The following ADGRL3 variants were observed in gnomAD, a reference collection of about 807,000 sequenced individuals.
ADGRL3 encodes adhesion G protein-coupled receptor L3, also known as calcium-independent alpha-latrotoxin receptor 3.
Under a neutral mutation model 153.5 loss-of-function variants are expected in ADGRL3, and 62 were observed. The ratio of observed to expected loss-of-function variants is 0.40; its 90% confidence interval spans 0.33 to 0.50. The LOEUF (loss-of-function observed/expected upper bound fraction) is 0.50, where lower values mean the gene tolerates loss of function less well. ADGRL3 is among the 20% of genes least tolerant of loss of function. ADGRL3 has a pLI of 0.47. For missense variants in ADGRL3, 1,641 were observed against 1,859.4 expected, an observed-to-expected ratio of 0.88 and a Z score of 2.16; for synonymous variants, 710 against 672.5, an observed-to-expected ratio of 1.06 and a Z score of -0.86.
At chr4:61,842,781 G>A (rs1478436218) in intron 9 of ADGRL3, among the ~76,000 whole-genome samples, 1 of 152,192 alleles carries the variant, frequency 6.6e-6, no homozygotes, top group African/African-American at 2.4e-5. Context: ...ATCATTTGCT[G>A]TTTTTGGTGG....
At chr4:61,965,938 A>C (rs1447568625) in intron 17 of ADGRL3, among the ~76,000 whole-genome samples, 1 of 152,180 alleles carries the variant, frequency 6.6e-6, no homozygotes, top group African/African-American at 2.4e-5. Flanking sequence ...TGGAACTTTT[A>C]AGATGTTAAT....
At chr4:61,876,705 GAAAT>G (rs2098477338) in intron 9 of ADGRL3, among the ~76,000 whole-genome samples, 1 of 150,736 alleles carries the variant, frequency 6.6e-6, no homozygotes, top group Admixed American at 6.6e-5. Context: ...GTTTGAGAAA[GAAAT>G]AACCCTAAAA....
At chr4:61,391,581 A>G (rs2096802634) in intron 2 of ADGRL3, among the ~76,000 whole-genome samples, 1 of 152,142 alleles carries the variant, frequency 6.6e-6, no homozygotes, top group African/African-American at 2.4e-5. Flanking sequence ...ACTCTAGGTT[A>G]AATACCCAAG....
Position 62,076,825 on chromosome 4 carries a change from G to A in ADGRL3, c.*5917G>A, listed in dbSNP as rs905275832. 9 of 151,686 alleles carry A rather than the reference G, an allele frequency of 5.9e-5. No individual in the cohort carries two copies. Among genetic ancestry groups the A allele is most frequent in the Non-Finnish European group, 1.2e-4 (8 of 67,794 alleles). The allele number at this position is 151,686 out of a possible 1,614,324, so 9.4% of individuals were successfully genotyped here. A position where few individuals can be genotyped will look rare whatever the true frequency, so the allele number is the denominator to read the frequency against. Reference sequence around the variant, plus strand: ...GCTGGCTCTATTGAACACCAACAGAGTTAATGCTTTTAGTAGCTTTGTACC... The same window carrying A: ...GCTGGCTCTATTGAACACCAACAGAATTAATGCTTTTAGTAGCTTTGTACC... On this transcript the variant is annotated 3_prime_UTR_variant, in exon 27 of 27. Coordinates refer to ENST00000683033, the MANE Select transcript of ADGRL3 (RefSeq NM_001387552.1).
At chr4:61,476,503 C>T (rs1015622541) in intron 2 of ADGRL3, among the ~76,000 whole-genome samples, 1 of 151,780 alleles carries the variant, frequency 6.6e-6, no homozygotes, top group Non-Finnish European at 1.5e-5. Context: ...GTTGGGAGTT[C>T]GAGACCAGCC....
intron 5 of ADGRL3, among the ~76,000 whole-genome samples, chr4:61,647,572 T>C (rs1294935763): frequency 6.6e-6 from 1 of 152,094 alleles, no homozygotes; most frequent in Non-Finnish European, 1.5e-5. Context: ...AGGCGTGCCA[T>C]TCAGATTTTT....
Position 61,540,734 on chromosome 4 carries a change from G to A in ADGRL3, c.259+23216G>A, listed in dbSNP as rs1054246682. ...ACACAATTTTCAGGTTAAGTTCATT[G>A]TGCTTGAAGTTTAATGTAAATTTAA... On this transcript the variant is annotated intron_variant, in intron 4 of 26. Coordinates refer to ENST00000683033, the MANE Select transcript of ADGRL3 (RefSeq NM_001387552.1). 2.6e-5 allele frequency among the ~76,000 whole-genome samples: 4 copies of A among 152,278 alleles called. No homozygotes were observed. The East Asian group carries it at 7.7e-4, about 29-fold the overall frequency.
chr4:61,845,463 A>C (rs1581112644), intron 9 of ADGRL3, among the ~76,000 whole-genome samples: 2 of 150,336 alleles, frequency 1.3e-5, no homozygotes, highest in African/African-American at 4.9e-5. Context: ...CCATCCTTAC[A>C]CCTCAGCCTC....
intron 2 of ADGRL3, among the ~76,000 whole-genome samples, chr4:61,465,449 A>G (rs1253774849): frequency 6.6e-6 from 1 of 152,082 alleles, no homozygotes; most frequent in East Asian, 1.9e-4. Flanking sequence ...ACACAGAATT[A>G]TGTCTAAATA....
intron 8 of ADGRL3, among the ~76,000 whole-genome samples, chr4:61,781,830 C>T (rs2097217363): frequency 6.6e-6 from 1 of 152,146 alleles, no homozygotes; most frequent in African/African-American, 2.4e-5. Flanking sequence ...TAATAGCCAT[C>T]ATGATTACCT....
At chr4:61,808,789 G>A (rs1324780931) in intron 8 of ADGRL3, among the ~76,000 whole-genome samples, 1 of 141,922 alleles carries the variant, frequency 7.0e-6, no homozygotes, top group East Asian at 2.1e-4. Context: ...ACAAGAAATC[G>A]GGCTTTTTTT....
chr4:61,890,207 T>C (rs2098565280), intron 9 of ADGRL3, among the ~76,000 whole-genome samples: 1 of 152,208 alleles, frequency 6.6e-6, no homozygotes, highest in Admixed American at 6.5e-5. Flanking sequence ...GAAAAGATTA[T>C]AGTCCCTGTC....
At chr4:61,870,892 C>G (rs2149382925) in intron 9 of ADGRL3, among the ~76,000 whole-genome samples, 1 of 152,222 alleles carries the variant, frequency 6.6e-6, no homozygotes, top group South Asian at 2.1e-4. Flanking sequence ...GATAGTTCCT[C>G]AAGTGGTTAA....
At chr4:61,910,313 A>G (rs1456836974) in intron 12 of ADGRL3, among the ~76,000 whole-genome samples, 1 of 151,954 alleles carries the variant, frequency 6.6e-6, no homozygotes, top group African/African-American at 2.4e-5. Context: ...CAGATTTTGT[A>G]TCACTAACAT....
chr4:62,040,491 A>T (rs1727649051), intron 24 of ADGRL3, among the ~76,000 whole-genome samples: 1 of 152,086 alleles, frequency 6.6e-6, no homozygotes, highest in Non-Finnish European at 1.5e-5. Flanking sequence ...GGCCACCCAT[A>T]AGCAAATGCT....
intron 5 of ADGRL3, among the ~76,000 whole-genome samples, chr4:61,646,608 C>A (rs1257836834): frequency 2.0e-5 from 3 of 151,770 alleles, no homozygotes; most frequent in Non-Finnish European, 4.4e-5. Context: ...GGGTCAGGGA[C>A]CCACTTGAGG....
chr4:61,904,189 A>AC (rs915190790), intron 11 of ADGRL3, among the ~76,000 whole-genome samples: 5 of 151,642 alleles, frequency 3.3e-5, no homozygotes, highest in African/African-American at 9.7e-5. Context: ...AAAAAAAAAA[A>AC]AAAACACTTC....
At chr4:61,866,883 G>A (rs998059290) in intron 9 of ADGRL3, among the ~76,000 whole-genome samples, 1 of 152,114 alleles carries the variant, frequency 6.6e-6, no homozygotes, top group Non-Finnish European at 1.5e-5. Context: ...AATTAAACAA[G>A]ACAAAGAAAA....
intron 1 of ADGRL3, among the ~76,000 whole-genome samples, chr4:61,278,457 A>G (rs529395677): frequency 3.3e-5 from 5 of 152,244 alleles, no homozygotes; most frequent in Admixed American, 1.3e-4. Context: ...ACATGACATC[A>G]GATTCCAAAA....
Sources: allele counts gnomAD v4.1 joint callset (sites outside exome capture counted in the v4.1 genomes callset), GRCh38; gene constraint gnomAD v4.1.1; transcripts MANE v1.5; gene names NCBI Gene and HGNC (gene_info 2026-07-23, HGNC 2026-07-21).